The following ZNF331 variants were observed in gnomAD, a reference collection of about 807,000 sequenced individuals.
ZNF331 encodes C2H2-like zinc finger protein rearranged in thyroid adenomas.
In ZNF331, 2 loss-of-function variants were observed where a neutral mutation model predicts 7.0. The observed-to-expected ratio is 0.29, with a 90% CI of 0.12 to 0.90. ZNF331 has a LOEUF of 0.90. ZNF331 is among the 40% of genes least tolerant of loss of function. The pLI, the probability that ZNF331 is intolerant of heterozygous loss-of-function variation, is 0.58. For synonymous variants in ZNF331, 196 were observed against 205.4 expected, an observed-to-expected ratio of 0.95 and a Z score of 0.39; for missense variants, 432 against 587.7, an observed-to-expected ratio of 0.74 and a Z score of 2.74.
At chr19:53,543,646 A>G (rs542699882) in intron 2 of ZNF331, among the ~76,000 whole-genome samples, 42 of 152,378 alleles carry the variant, frequency 2.8e-4, no homozygotes, top group African/African-American at 9.4e-4. Context: ...ATTGGCCGAC[A>G]TGAGTTGGTC....
chr19:53,579,847 T>C lies in ZNF331; in HGVS notation c.*1895T>C, dbSNP rs1568563248. 1.0e-5 allele frequency: 2 copies of C among 200,710 alleles called. No homozygotes were observed. Among genetic ancestry groups the C allele is most frequent in the Non-Finnish European group, 2.0e-5 (2 of 97,694 alleles). The allele number at this position is 200,710 out of a possible 1,614,324, so 12.4% of individuals were successfully genotyped here. ...CAGGACTGGAAGAAGATGTTTGCTCTAAGGTACACCTGACAAAGGAACTCT... is the reference window on the plus strand; with the variant it reads ...CAGGACTGGAAGAAGATGTTTGCTCCAAGGTACACCTGACAAAGGAACTCT... On this transcript the variant is annotated 3_prime_UTR_variant, in exon 6 of 6. Coordinates refer to ENST00000449416, the MANE Select transcript of ZNF331 (RefSeq NM_001079906.2).
the ZNF331 span, among the ~76,000 whole-genome samples, chr19:53,507,943 C>A: frequency 6.6e-6 from 1 of 152,168 alleles, no homozygotes; most frequent in African/African-American, 2.4e-5. Flanking sequence ...CAAAAAAAAT[C>A]ATCAAAACTC....
At chr19:53,514,665 T>TTTG, upstream of ZNF331, among the ~76,000 whole-genome samples, 1 of 132,922 alleles carries the variant, frequency 7.5e-6, no homozygotes, top group South Asian at 2.6e-4. Flanking sequence ...TTTTTTTTTT[T>TTTG]TTTGAGACAG....
At chr19:53,559,635 CAT>C (rs1296991158) in intron 3 of ZNF331, among the ~76,000 whole-genome samples, 2 of 145,660 alleles carry the variant, frequency 1.4e-5, no homozygotes, top group African/African-American at 2.5e-5. Context: ...TATACACACA[CAT>C]CCCATATATA....
chr19:53,547,605 G>C (rs914574039), intron 2 of ZNF331, among the ~76,000 whole-genome samples: 5 of 152,150 alleles, frequency 3.3e-5, no homozygotes, highest in Admixed American at 2.6e-4. Flanking sequence ...TCTCCACGGT[G>C]TTTTCCATCA....
At chr19:53,511,374 T>C in the ZNF331 span, among the ~76,000 whole-genome samples, 1 of 152,020 alleles carries the variant, frequency 6.6e-6, no homozygotes, top group Non-Finnish European at 1.5e-5. Flanking sequence ...TAGGAAAACA[T>C]ATAACAATAT....
At chr19:53,507,394 C>G in the ZNF331 span, among the ~76,000 whole-genome samples, 126,126 of 152,102 alleles carry the variant, frequency 0.83, 52,628 homozygotes, top group South Asian at 0.89. Flanking sequence ...CTCTACAAAA[C>G]CCCCCGAAAG....
chr19:53,559,393 CACCT>C (rs1406353369), intron 3 of ZNF331, among the ~76,000 whole-genome samples: 2 of 151,192 alleles, frequency 1.3e-5, no homozygotes, highest in African/African-American at 4.9e-5. Flanking sequence ...TACACATACA[CACCT>C]ACATATATAC....
the ZNF331 span, among the ~76,000 whole-genome samples, chr19:53,508,335 C>T: frequency 2.6e-5 from 4 of 152,152 alleles, no homozygotes. Flanking sequence ...ACTCCAGCCG[C>T]ACCACGTGAC....
chr19:53,521,327 T>TGGGA, exon 1 of ZNF331: 1 of 141,392 alleles, frequency 7.1e-6, no homozygotes, highest in South Asian at 2.2e-4. Context: ...TGGGAGTGTG[T>TGGGA]GTGAGTGTGT....
In ZNF331 at chr19:53,558,777, C is replaced by A. The variant is rs1454798148; in HGVS notation, c.-74+2869C>A. On this transcript the variant is annotated intron_variant, in intron 3 of 5. Transcript: ENST00000449416. This position sits in a 1 kb window ranked among gnomAD's most constrained non-coding sequence, Gnocchi z 4.5. ...GGGTTATGGAATTATGAGCCAGGAACCATGGACAAGAACATACAGACACAC... is the reference window on the plus strand; with the variant it reads ...GGGTTATGGAATTATGAGCCAGGAAACATGGACAAGAACATACAGACACAC... 6.6e-6 allele frequency among the ~76,000 whole-genome samples: 1 copy of A among 151,766 alleles called. No homozygotes were observed. Among genetic ancestry groups the A allele is most frequent in the East Asian group, 1.9e-4 (1 of 5,198 alleles).
exon 1 of ZNF331, chr19:53,521,329 TGA>T (rs879300576): frequency 0.017 from 1,612 of 92,754 alleles, 22 homozygotes; most frequent in East Asian, 0.079. Flanking sequence ...GGAGTGTGTG[TGA>T]GTGTGTGTGT....
In ZNF331 at chr19:53,562,097, G is replaced by A. The variant is rs192515804; in HGVS notation, c.-74+6189G>A. Among the ~76,000 whole-genome samples the A allele has an allele frequency of 2.4e-3, 360 of 151,906 alleles. 4 individuals are homozygous for A. Among genetic ancestry groups the A allele is most frequent in the East Asian group, 6.8e-3 (35 of 5,126 alleles). On this transcript the variant is annotated intron_variant, in intron 3 of 5. Coordinates refer to ENST00000449416, the MANE Select transcript of ZNF331 (RefSeq NM_001079906.2). The stretch of plus-strand genomic sequence containing the variant: ...TGGGAGGTGGAGGTTGCAGTGAGCC[G>A]AGATTGTGCCACAGCATTCCAGCCT...
At chr19:53,549,497 A>G (rs2088844462) in intron 2 of ZNF331, among the ~76,000 whole-genome samples, 2 of 152,122 alleles carry the variant, frequency 1.3e-5, no homozygotes, top group South Asian at 4.1e-4. Context: ...TAAAGAGTGC[A>G]GTGTGGAGTC....
rs1246296726 is a variant in ZNF331, at chr19:53,577,954, G to A, written c.*2G>A. ...CATCAGAGGATCCACAACAGTTGAA[G>A]AGCCTTTTGAACGCAGTAGCCCGCT... On this transcript the variant is annotated 3_prime_UTR_variant, in exon 6 of 6. Transcript: ENST00000449416. 6.2e-7 allele frequency: 1 copy of A among 1,607,598 alleles called. No homozygotes were observed. The highest frequency in any genetic ancestry group is 1.1e-5 in the South Asian group (1 of 90,828).
At chr19:53,542,695 A>C (rs144143598) in intron 2 of ZNF331, among the ~76,000 whole-genome samples, 1 of 152,288 alleles carries the variant, frequency 6.6e-6, no homozygotes, top group East Asian at 1.9e-4. Flanking sequence ...ATTTCTTAGA[A>C]TCTCTTTTGC....
chr19:53,522,256 GTT>G (rs560872830), intron 1 of ZNF331, among the ~76,000 whole-genome samples: 2 of 139,540 alleles, frequency 1.4e-5, no homozygotes, highest in Admixed American at 7.2e-5. Context: ...TTCTTTCTTT[GTT>G]TTTTTTTTTT....
chr19:53,527,674 A>C (rs118094968), intron 2 of ZNF331, among the ~76,000 whole-genome samples: 1,928 of 152,334 alleles, frequency 0.013, 17 homozygotes, highest in Non-Finnish European at 0.019. Context: ...GATGAGTTAA[A>C]GACTCTTCAA....
At chr19:53,543,821 T>A (rs1039984337) in intron 2 of ZNF331, among the ~76,000 whole-genome samples, 3 of 152,200 alleles carry the variant, frequency 2.0e-5, no homozygotes, top group African/African-American at 7.2e-5. Context: ...AGGGTTCAGA[T>A]TCACATCTCT....
Sources: gnomAD v4.1 joint callset for allele counts (sites outside exome capture counted in the v4.1 genomes callset) on GRCh38, gnomAD v4.1.1 for gene constraint, Gnocchi (gnomAD v3.1) non-coding constraint, MANE v1.5 for transcripts, NCBI Gene and HGNC (gene_info 2026-07-23, HGNC 2026-07-21) for gene names.